The following SCARA5 variants were observed in gnomAD, a reference collection of about 807,000 sequenced individuals.
The protein encoded by SCARA5 is scavenger receptor class A, member 5 (putative).
SCARA5 carries 45 observed loss-of-function variants against 46.3 expected under a neutral mutation model. The ratio of observed to expected loss-of-function variants is 0.97; its 90% confidence interval spans 0.76 to 1.24. SCARA5 has a LOEUF of 1.24. Ranked by LOEUF, SCARA5 falls within the 50% of genes most tolerant of loss-of-function variation. The pLI is 0.00. For missense variants in SCARA5, 680 were observed against 689.0 expected (o/e 0.99, Z 0.15); for synonymous variants, 333 against 306.5 (o/e 1.09, Z -0.90).
chr8:27,950,972 C>A (rs2685416), intron 3 of SCARA5, among the ~76,000 whole-genome samples: 34,964 of 151,968 alleles, frequency 0.23, 4,235 homozygotes, highest in Non-Finnish European at 0.26. Context: ...GGACTCACCC[C>A]TTCTCAAGAG....
rs1406298333 is a variant in SCARA5, at chr8:27,879,558, G to A, written c.1351+11C>T. The A allele has an allele frequency of 6.2e-7, 1 of 1,602,894 alleles. No individual in the cohort carries two copies. Among genetic ancestry groups the A allele is most frequent in the Non-Finnish European group, 8.5e-7 (1 of 1,179,216 alleles). On this transcript the variant is annotated intron_variant, in intron 8 of 8. Transcript: ENST00000354914. ...CCTCTCCTCATGTTTTTTGCCCTCA[G>A]AGCGCCTTACCTTGCCCGAATCGAG...
chr8:27,923,838 G>T (rs966165718), intron 3 of SCARA5, among the ~76,000 whole-genome samples: 2 of 152,170 alleles, frequency 1.3e-5, no homozygotes, highest in African/African-American at 4.8e-5. Flanking sequence ...CTCCCAAAGT[G>T]TTGGGATTAC....
intron 2 of SCARA5, among the ~76,000 whole-genome samples, chr8:27,980,268 G>T (rs1409590263): frequency 6.6e-6 from 1 of 152,180 alleles, no homozygotes; most frequent in African/African-American, 2.4e-5. Context: ...TGACAGCAAG[G>T]TCTGTGGTGA....
rs372636805 is a variant in SCARA5, at chr8:27,950,081, G to A, written c.241+16333C>T. Among the ~76,000 whole-genome samples the A allele has an allele frequency of 5.3e-5, 8 of 152,248 alleles. No individual in the cohort carries two copies. The South Asian group carries it at 1.0e-3, about 20-fold the overall frequency. ...AGAAAGGGGCTGAGAGCCTGGAAAC[G>A]CTGGGGGAATGCCACCCACTGGCCA... is the stretch of plus-strand genomic sequence containing the variant. On this transcript the variant is annotated intron_variant, in intron 3 of 8. Transcript: ENST00000354914.
At position 27,921,802 on chromosome 8, in the gene SCARA5, C is replaced by G. The variant is rs774538408; in HGVS notation, c.685G>C (p.Gly229Arg). 4.5e-6 allele frequency: 7 copies of G among 1,558,602 alleles called. No homozygotes were observed. The African/African-American group carries it at 8.1e-5, about 18-fold the overall frequency. Residue 229 changes from glycine (G) to arginine (R), a missense_variant, in exon 4 of 9, where the codon GGC (glycine) becomes CGC (arginine). Around this residue, in one of 3 missense-constraint regions of SCARA5, gnomAD observed 438 missense variants for 384.5 expected, o/e 1.14. Transcript: ENST00000354914. ...ELADVGGVLR[G>R]LNHSLSYDVA... Reference sequence around the variant, plus strand: ...TCGTAGGACAGGCTGTGGTTGAGGCCGCGCAGCACGCCGCCCACGTCGGCC... The same window carrying G: ...TCGTAGGACAGGCTGTGGTTGAGGCGGCGCAGCACGCCGCCCACGTCGGCC...
chr8:27,870,395 T>C lies in SCARA5; in HGVS notation c.*1539A>G, dbSNP rs1239307603. The C allele has an allele frequency of 6.6e-6, 1 of 152,500 alleles. No individual in the cohort carries two copies. The allele number at this position is 152,500 out of a possible 1,614,324, so 9.4% of individuals were successfully genotyped here. A position where few individuals can be genotyped will look rare whatever the true frequency, so the allele number is the denominator to read the frequency against. ...AAGAGAGTTTCTCATCATTAGGACATTTAAGGAGTGGCAAGCATATTGGAA... is the reference window on the plus strand; with the variant it reads ...AAGAGAGTTTCTCATCATTAGGACACTTAAGGAGTGGCAAGCATATTGGAA... On this transcript the variant is annotated 3_prime_UTR_variant, in exon 9 of 9. Coordinates refer to ENST00000354914, the MANE Select transcript of SCARA5 (RefSeq NM_173833.6).
At position 27,871,864 on chromosome 8, in the gene SCARA5, G is replaced by A. The variant is rs941734293; in HGVS notation, c.*70C>T. 1.2e-5 allele frequency: 19 copies of A among 1,606,556 alleles called. No homozygotes were observed. Among genetic ancestry groups the A allele is most frequent in the Non-Finnish European group, 1.6e-5 (19 of 1,176,224 alleles). ...CGAGGCATGGTCAGGGTGGCCCCGA[G>A]CTGTGCCCCACCCCAGGGATGCAGG... On this transcript the variant is annotated 3_prime_UTR_variant, in exon 9 of 9. Coordinates refer to ENST00000354914, the MANE Select transcript of SCARA5 (RefSeq NM_173833.6).
Position 27,922,024 on chromosome 8 carries a change from C to T in SCARA5, c.463G>A (p.Gly155Arg), listed in dbSNP as rs1246053798. Residue 155 changes from glycine (G) to arginine (R), a missense_variant, in exon 4 of 9, where the codon GGG becomes AGG. By Grantham distance (125) the Gly-to-Arg change is moderately radical. Transcript: ENST00000354914. ...AVQRLEGALWGLQAQAVQTEQ... is the reference protein window; with the variant it reads ...AVQRLEGALWRLQAQAVQTEQ... ...GTCTGCACCGCCTGCGCCTGCAGCC[C>T]CCACAGCGCGCCCTCCAGCCGCTGC... The T allele has an allele frequency of 3.8e-6, 6 of 1,573,738 alleles. No individual in the cohort carries two copies. Among genetic ancestry groups the T allele is most frequent in the African/African-American group, 2.7e-5 (2 of 73,200 alleles).
At chr8:27,967,711 G>T (rs190065962) in intron 2 of SCARA5, among the ~76,000 whole-genome samples, 1 of 152,052 alleles carries the variant, frequency 6.6e-6, no homozygotes, top group African/African-American at 2.4e-5. Context: ...TCAGGAATTC[G>T]ACACCAGCCT....
rs147842100 is a variant in SCARA5, at chr8:27,875,333, G to T, written c.1352-3263C>A. Among the ~76,000 whole-genome samples, 203 of 152,252 alleles carry T rather than the reference G, an allele frequency of 1.3e-3. 1 individual carries two copies. Among genetic ancestry groups the T allele is most frequent in the African/African-American group, 4.6e-3 (193 of 41,548 alleles). On this transcript the variant is annotated intron_variant, in intron 8 of 8. Coordinates refer to ENST00000354914, the MANE Select transcript of SCARA5 (RefSeq NM_173833.6). ...AGTTTTGGGTTTTGGAACTACAAAG[G>T]TGAAGCCCTCAAGATGTTTCCATGT...
chr8:27,941,820 T>TTA (rs1401957346), intron 3 of SCARA5, among the ~76,000 whole-genome samples: 1 of 147,378 alleles, frequency 6.8e-6, no homozygotes, highest in Non-Finnish European at 1.5e-5. Flanking sequence ...ATTATTATTA[T>TTA]TATTATTATT....
At chr8:27,931,273 C>T (rs1181777505) in intron 3 of SCARA5, among the ~76,000 whole-genome samples, 1 of 152,194 alleles carries the variant, frequency 6.6e-6, no homozygotes, top group East Asian at 1.9e-4. Context: ...GGGTTTAATT[C>T]TCTGCTGTCG....
At chr8:27,956,964 C>T (rs1485681187) in intron 3 of SCARA5, among the ~76,000 whole-genome samples, 1 of 152,144 alleles carries the variant, frequency 6.6e-6, no homozygotes, top group African/African-American at 2.4e-5. Context: ...GCTCAGCTTC[C>T]ACGCCAGTAA....
intron 3 of SCARA5, among the ~76,000 whole-genome samples, chr8:27,959,856 T>C (rs2129922618): frequency 6.6e-6 from 1 of 152,320 alleles, no homozygotes; most frequent in East Asian, 1.9e-4. Flanking sequence ...CTCCGTGCCA[T>C]GGGTGGAGCC....
At chr8:27,879,803 A>T (rs777250498) in intron 7 of SCARA5, 37 bp from the exon 8 acceptor site, 2 of 1,603,880 alleles carry the variant, frequency 1.2e-6, no homozygotes, top group East Asian at 4.5e-5. Flanking sequence ...CCAGCTCTAG[A>T]TACACCAGGA....
intron 7 of SCARA5, among the ~76,000 whole-genome samples, chr8:27,887,456 C>G (rs1806915010): frequency 6.6e-6 from 1 of 152,126 alleles, no homozygotes; most frequent in Non-Finnish European, 1.5e-5. Flanking sequence ...CAAGGCTGGT[C>G]CCTACCAGCT....
In SCARA5 at chr8:27,921,804, C is replaced by G; in HGVS notation, c.683G>C (p.Arg228Pro). The change falls in exon 4 of 9, where the codon CGC becomes CCC. Residue 228 changes from arginine (R) to proline (P), a missense_variant. Around this residue, in one of 3 missense-constraint regions of SCARA5, gnomAD observed 438 missense variants for 384.5 expected, o/e 1.14. Transcript: ENST00000354914. The stretch of plus-strand genomic sequence containing the variant: ...GTAGGACAGGCTGTGGTTGAGGCCG[C>G]GCAGCACGCCGCCCACGTCGGCCAG... ...EELADVGGVL[R>P]GLNHSLSYDV... The G allele has an allele frequency of 6.4e-7, 1 of 1,557,378 alleles. No individual in the cohort carries two copies. The highest frequency in any genetic ancestry group is 8.6e-7 in the Non-Finnish European group (1 of 1,156,678).
intron 2 of SCARA5, among the ~76,000 whole-genome samples, chr8:27,972,392 C>A (rs1808462248): frequency 6.6e-6 from 1 of 152,164 alleles, no homozygotes; most frequent in East Asian, 1.9e-4. Flanking sequence ...CAGATTTATA[C>A]CTGTGTATCA....
Position 27,959,057 on chromosome 8 carries a change from AC to A in SCARA5, c.241+7356del, listed in dbSNP as rs374003272. Reference sequence around the variant, plus strand: ...AGACCAGCCTGGCAAACATGGCAAAACCCTGTCTCTACTAAAAATACAAAAA... The same window carrying A: ...AGACCAGCCTGGCAAACATGGCAAAACCTGTCTCTACTAAAAATACAAAAA... On this transcript the variant is annotated intron_variant, in intron 3 of 8. Coordinates refer to ENST00000354914, the MANE Select transcript of SCARA5 (RefSeq NM_173833.6). Among the ~76,000 whole-genome samples the A allele has an allele frequency of 3.7e-4, 56 of 152,074 alleles. No individual in the cohort carries two copies. The East Asian group carries it at 0.01, about 28-fold the overall frequency.
Sources: gnomAD v4.1 joint callset for allele counts (sites outside exome capture counted in the v4.1 genomes callset) on GRCh38, gnomAD v4.1.1 for gene constraint, gnomAD v4.1.1 regional missense constraint, MANE v1.5 for transcripts, NCBI Gene and HGNC (gene_info 2026-07-23, HGNC 2026-07-21) for gene names.